The following PSD3 variants were observed in gnomAD, a reference collection of about 807,000 sequenced individuals.
PSD3 encodes the protein pleckstrin and Sec7 domain containing 3, also known as PH and SEC7 domain-containing protein 3.
In PSD3, 49 loss-of-function variants were observed where a neutral mutation model predicts 105.5. That is an observed-to-expected ratio of 0.46 (90% CI 0.37 to 0.59). PSD3 has a LOEUF of 0.59. PSD3 is among the 20% of genes least tolerant of loss of function. The pLI, the probability that PSD3 is intolerant of heterozygous loss-of-function variation, is 0.00. For missense variants in PSD3, 1,561 were observed against 1,263.8 expected (o/e 1.24, Z -3.57); for synonymous variants, 557 against 457.8 (o/e 1.22, Z -2.77).
At chr8:18,537,921 C>T (rs1393924416) in intron 15 of PSD3, among the ~76,000 whole-genome samples, 2 of 152,216 alleles carry the variant, frequency 1.3e-5, no homozygotes, top group African/African-American at 4.8e-5. Context: ...AGGTGATCCA[C>T]CCGCCTCGGC....
intron 1 of PSD3, among the ~76,000 whole-genome samples, chr8:18,973,032 G>A (rs1003716376): frequency 6.6e-6 from 1 of 152,196 alleles, no homozygotes; most frequent in Admixed American, 6.5e-5. Flanking sequence ...ACCCAATATA[G>A]GATAATGTAG....
chr8:18,669,280 A>C (rs1166951892), intron 9 of PSD3, among the ~76,000 whole-genome samples: 1 of 152,220 alleles, frequency 6.6e-6, no homozygotes, highest in African/African-American at 2.4e-5. Flanking sequence ...ATATGTTCCA[A>C]GGCTCCCAGT....
chr8:19,031,848 ATCTAAC>A (rs1827783740), intron 1 of PSD3, among the ~76,000 whole-genome samples: 1 of 152,220 alleles, frequency 6.6e-6, no homozygotes, highest in Non-Finnish European at 1.5e-5. Flanking sequence ...ATTAGACATT[ATCTAAC>A]TCAATCTCAG....
chr8:18,591,919 GT>G (rs1244032066), intron 12 of PSD3, among the ~76,000 whole-genome samples: 7 of 152,262 alleles, frequency 4.6e-5, no homozygotes, highest in Admixed American at 4.6e-4. Flanking sequence ...CCTAAAATCT[GT>G]TGCAAAGATG....
intron 11 of PSD3, among the ~76,000 whole-genome samples, chr8:18,623,980 TC>T (rs1345279491): frequency 6.6e-6 from 1 of 152,216 alleles, no homozygotes; most frequent in Non-Finnish European, 1.5e-5. Context: ...TACGTGGAAC[TC>T]TAGCTCCTTC....
At chr8:18,961,792 G>C (rs1420620244) in intron 1 of PSD3, among the ~76,000 whole-genome samples, 1 of 152,090 alleles carries the variant, frequency 6.6e-6, no homozygotes, top group Non-Finnish European at 1.5e-5. Flanking sequence ...TCAAGAACAT[G>C]ATAAATCAGA....
chr8:18,675,869 G>C (rs1800038574), intron 9 of PSD3, among the ~76,000 whole-genome samples: 1 of 152,144 alleles, frequency 6.6e-6, no homozygotes, highest in Non-Finnish European at 1.5e-5. Flanking sequence ...CTATGGATGA[G>C]TAAATAAAAA....
chr8:19,051,386 T>C (rs939525333), intron 1 of PSD3, among the ~76,000 whole-genome samples: 1 of 152,186 alleles, frequency 6.6e-6, no homozygotes, highest in Non-Finnish European at 1.5e-5. Context: ...TAGCTTATAC[T>C]TATTCGTGTT....
intron 14 of PSD3, 151 bp downstream of exon 14, chr8:18,572,377 T>C: frequency 1.1e-6 from 1 of 921,634 alleles, no homozygotes; most frequent in East Asian, 2.5e-5. Context: ...CCCAGTGTAC[T>C]GCATATCTGC....
intron 2 of PSD3, among the ~76,000 whole-genome samples, chr8:18,930,197 T>C (rs375312218): frequency 2.0e-5 from 3 of 151,682 alleles, no homozygotes; most frequent in Admixed American, 2.0e-4. Flanking sequence ...TGGGTAGGGG[T>C]CAAGAGAGCC....
At chr8:18,820,840 G>A (rs891515568) in intron 4 of PSD3, among the ~76,000 whole-genome samples, 10 of 147,296 alleles carry the variant, frequency 6.8e-5, no homozygotes, top group Non-Finnish European at 1.2e-4. Context: ...TGCAGCCTCA[G>A]CCTCCTGGGC....
chr8:18,667,033 G>A (rs771229555), intron 9 of PSD3, among the ~76,000 whole-genome samples: 3 of 152,050 alleles, frequency 2.0e-5, no homozygotes, highest in Non-Finnish European at 2.9e-5. Flanking sequence ...TTGTGGGTTC[G>A]TGGTCTCGCT....
intron 1 of PSD3, among the ~76,000 whole-genome samples, chr8:19,000,319 C>G: frequency 6.6e-6 from 1 of 151,078 alleles, no homozygotes; most frequent in Non-Finnish European, 1.5e-5. Context: ...ATAACTTGAG[C>G]CCAGGAGTTC....
At chr8:18,804,226 A>T (rs775440300) in intron 6 of PSD3, 10 of 262,224 alleles carry the variant, frequency 3.8e-5, no homozygotes, top group Non-Finnish European at 6.4e-5. Context: ...AGATGCTCCA[A>T]AATCTACAAC....
chr8:18,835,889 G>T lies in PSD3; in HGVS notation c.1635-30991C>A, dbSNP rs575862790. On this transcript the variant is annotated intron_variant, in intron 4 of 15. Coordinates refer to ENST00000327040, the MANE Select transcript of PSD3 (RefSeq NM_015310.4). ...GTGTATGCGGTGTAGATGGGGGGGC[G>T]GATCGTGTAGGGACTTGGAGGTCAT... Among the ~76,000 whole-genome samples, 6 of 151,514 alleles carry T rather than the reference G, an allele frequency of 4.0e-5. No individual in the cohort carries two copies. In the South Asian group the frequency reaches 1.1e-3, roughly 27 times the overall value.
intron 9 of PSD3, among the ~76,000 whole-genome samples, chr8:18,669,858 T>C (rs1485645051): frequency 6.6e-6 from 1 of 152,246 alleles, no homozygotes; most frequent in African/African-American, 2.4e-5. Flanking sequence ...GACTAATTCA[T>C]GTTTGTAACA....
intron 10 of PSD3, among the ~76,000 whole-genome samples, chr8:18,635,496 G>A (rs903180459): frequency 6.6e-6 from 1 of 151,874 alleles, no homozygotes; most frequent in African/African-American, 2.4e-5. Flanking sequence ...ACCATACTAT[G>A]CTTTTCAGTG....
chr8:18,730,974 A>G (rs1803703983), intron 9 of PSD3, among the ~76,000 whole-genome samples: 1 of 152,242 alleles, frequency 6.6e-6, no homozygotes, highest in African/African-American at 2.4e-5. Context: ...CTTTAAAAAG[A>G]TAATTTCTTT....
chr8:18,872,316 ACT>A lies in PSD3; in HGVS notation c.546_547del (p.Arg182SerfsTer20). ...TTGGCCAGCAGGGAGCGTTTTGTTG[ACT>A]CTCTGTGTTTTACGACTGGCAGTGT... On this transcript the variant is annotated frameshift_variant, in exon 3 of 16. Transcript: ENST00000327040. LOFTEE classifies it high-confidence loss of function. 1 of 1,613,836 alleles carries A rather than the reference ACT, an allele frequency of 6.2e-7. No homozygotes were observed. Among genetic ancestry groups the A allele is most frequent in the Non-Finnish European group, 8.5e-7 (1 of 1,179,960 alleles).
Sources: gnomAD v4.1 joint callset for allele counts (sites outside exome capture counted in the v4.1 genomes callset) on GRCh38, gnomAD v4.1.1 for gene constraint, MANE v1.5 for transcripts, NCBI Gene and HGNC (gene_info 2026-07-23, HGNC 2026-07-21) for gene names.